Variants in MCM5 observed in about 807,000 individuals in gnomAD.
MCM5 encodes the protein DNA replication licensing factor MCM5.
MCM5 carries 46 observed loss-of-function variants against 79.9 expected under a neutral mutation model. The observed-to-expected ratio is 0.58, with a 90% confidence interval of 0.45 to 0.74. MCM5 has a LOEUF of 0.74. MCM5 is among the 30% of genes least tolerant of loss of function. The probability of loss-of-function intolerance (pLI) is 0.00; values close to 1 mark genes in which losing one functional copy is unlikely to be tolerated. For synonymous variants in MCM5, 404 were observed against 390.5 expected, an observed-to-expected ratio of 1.03 and a Z score of -0.41; for missense variants, 883 against 1,017.0, an observed-to-expected ratio of 0.87 and a Z score of 1.79.
rs1253858301 is a variant in MCM5, at chr22:35,416,776, T to G, written c.1552T>G (p.Phe518Val). Residue 518 changes from phenylalanine (F) to valine (V), a missense_variant, in exon 12 of 17, where the codon TTC becomes GTC. By Grantham distance (50) the Phe-to-Val change is conservative. Around this residue, in one of 3 missense-constraint regions of MCM5, gnomAD observed 426 missense variants for 482.3 expected, o/e 0.88. Coordinates refer to ENST00000216122, the MANE Select transcript of MCM5 (RefSeq NM_006739.4). Reference protein sequence around the residue: ...PTILSRFDMIFIVKDEHNEER... With the variant: ...PTILSRFDMIVIVKDEHNEER... Reference sequence around the variant, plus strand: ...CATCTTGTCGCGCTTCGACATGATCTTCATCGTCAAGGATGAGCACAATGA... The same window carrying G: ...CATCTTGTCGCGCTTCGACATGATCGTCATCGTCAAGGATGAGCACAATGA... 6.2e-7 allele frequency: 1 copy of G among 1,613,984 alleles called. No individual in the cohort carries two copies. Among genetic ancestry groups the G allele is most frequent in the African/African-American group, 1.3e-5 (1 of 74,912 alleles).
Position 35,415,897 on chromosome 22 carries a change from C to T in MCM5, c.1272C>T (p.Ser424=), listed in dbSNP as rs149095650. 2.7e-5 allele frequency: 44 copies of T among 1,614,022 alleles called. No homozygotes were observed. Among genetic ancestry groups the T allele is most frequent in the Middle Eastern group, 1.6e-4 (1 of 6,064 alleles). Residue 424 remains serine, a synonymous_variant, in exon 10 of 17, where the codon TCC becomes TCT. Coordinates refer to ENST00000216122, the MANE Select transcript of MCM5 (RefSeq NM_006739.4). The part of the protein sequence containing the change: ...LTASVMRDPS[S]RNFIMEGGAM... ...CCTCGGTGATGAGGGACCCTTCGTC[C>T]CGGAATTTCATCATGGAGGGCGGAG...
chr22:35,453,355 C>T, the MCM5 span, among the ~76,000 whole-genome samples: 6 of 144,190 alleles, frequency 4.2e-5, no homozygotes, highest in East Asian at 2.0e-4. Context: ...TGAGCAAGCG[C>T]GTCAGAGACA....
intron 8 of MCM5, among the ~76,000 whole-genome samples, chr22:35,413,584 G>A (rs1257815809): frequency 6.6e-6 from 1 of 152,150 alleles, no homozygotes; most frequent in Non-Finnish European, 1.5e-5. Flanking sequence ...TGGGAGGAAC[G>A]TTGCTCAGAT....
At chr22:35,406,464 C>G (rs1272957604) in intron 4 of MCM5, 89 bp from the exon 5 acceptor site, 1 of 1,294,870 alleles carries the variant, frequency 7.7e-7, no homozygotes, top group Non-Finnish European at 1.1e-6. Flanking sequence ...CCCACCTCCT[C>G]CAGGCTCCTG....
downstream of MCM5, among the ~76,000 whole-genome samples, chr22:35,425,657 G>A (rs915898202): frequency 2.0e-5 from 3 of 151,986 alleles, no homozygotes; most frequent in Non-Finnish European, 2.9e-5. Flanking sequence ...TACTGGGCGC[G>A]CTGTGGGTTT....
At position 35,424,056 on chromosome 22, in the gene MCM5, G is replaced by C. The variant is rs147062034; in HGVS notation, c.2104-98G>C. On this transcript the variant is annotated intron_variant, in intron 16 of 16. Coordinates refer to ENST00000216122, the MANE Select transcript of MCM5 (RefSeq NM_006739.4). ...AGTGTGGGCCCTTTAGGTCAAAGGA[G>C]CCTGAGTACAAAGTTCCCCGTGAGC... 1.2e-3 allele frequency: 926 copies of C among 741,166 alleles called. 8 individuals are homozygous for C. Among genetic ancestry groups the C allele is most frequent in the African/African-American group, 0.012 (700 of 56,406 alleles). The allele number at this position is 741,166 out of a possible 1,614,324, so 45.9% of individuals were successfully genotyped here. A position where few individuals can be genotyped will look rare whatever the true frequency, so the allele number is the denominator to read the frequency against.
At position 35,424,319 on chromosome 22, in the gene MCM5, A is replaced by G. The variant is rs1569071756; in HGVS notation, c.*64A>G. On this transcript the variant is annotated 3_prime_UTR_variant, in exon 17 of 17. Coordinates refer to ENST00000216122, the MANE Select transcript of MCM5 (RefSeq NM_006739.4). ...CTCGCCCCTCCTGCCGCTGCCTGCC[A>G]TTGACAATGTTGCTGGGACCTCTGC... The G allele has an allele frequency of 3.2e-5, 39 of 1,224,424 alleles. No individual in the cohort carries two copies. Among genetic ancestry groups the G allele is most frequent in the Non-Finnish European group, 3.8e-5 (33 of 873,116 alleles). 75.8% of individuals were successfully genotyped at this position (1,224,424 alleles called of 1,614,324 possible).
At chr22:35,430,931 T>C in the MCM5 span, among the ~76,000 whole-genome samples, 1 of 152,152 alleles carries the variant, frequency 6.6e-6, no homozygotes, top group South Asian at 2.1e-4. Flanking sequence ...GAGAATTTTT[T>C]TGATGAATGA....
At chr22:35,406,766 G>A in intron 5 of MCM5, 41 bp downstream of exon 5, 1 of 1,591,936 alleles carries the variant, frequency 6.3e-7, no homozygotes, top group South Asian at 1.1e-5. Context: ...GGTGACCTGA[G>A]TGAAGATCAG....
At chr22:35,430,565 C>T in the MCM5 span, among the ~76,000 whole-genome samples, 4 of 146,950 alleles carry the variant, frequency 2.7e-5, no homozygotes, top group South Asian at 4.3e-4. Flanking sequence ...TGCAGTGGTG[C>T]GACCTCAGCT....
chr22:35,428,014 T>G (rs1932789023), downstream of MCM5, among the ~76,000 whole-genome samples: 1 of 130,194 alleles, frequency 7.7e-6, no homozygotes, highest in Non-Finnish European at 1.6e-5. Flanking sequence ...CATCGCTCTC[T>G]CTCTCTCTTT....
In MCM5 at chr22:35,403,205, A is replaced by G. The variant is rs1261120653; in HGVS notation, c.168-2A>G. On this transcript the variant is annotated splice_acceptor_variant, in intron 2 of 16. Coordinates refer to ENST00000216122, the MANE Select transcript of MCM5 (RefSeq NM_006739.4). LOFTEE classifies it high-confidence loss of function. The stretch of plus-strand genomic sequence containing the variant: ...CCCCACCCTGCTATGTGCCCACTCC[A>G]GGGATGAACTCAAGCGGCATTACAA... 3 of 1,614,074 alleles carry G rather than the reference A, an allele frequency of 1.9e-6. No individual in the cohort carries two copies. In the Admixed American group the frequency reaches 5.0e-5, roughly 27 times the overall value.
the MCM5 span, among the ~76,000 whole-genome samples, chr22:35,433,879 A>G: frequency 2.6e-4 from 39 of 152,272 alleles, no homozygotes; most frequent in Admixed American, 2.0e-3. Flanking sequence ...AAATGGCCCC[A>G]AGATCCCATG....
chr22:35,435,108 A>ACCACTACACTCCAG, the MCM5 span, among the ~76,000 whole-genome samples: 1 of 152,070 alleles, frequency 6.6e-6, no homozygotes, highest in Admixed American at 6.5e-5. Flanking sequence ...CTGGGATAGC[A>ACCACTACACTCCAG]CCACTACACT....
intron 5 of MCM5, among the ~76,000 whole-genome samples, chr22:35,407,901 T>C (rs183575906): frequency 3.4e-4 from 52 of 152,360 alleles, no homozygotes; most frequent in African/African-American, 1.2e-3. Context: ...GCACCTGGAA[T>C]AGTGTCAGAC....
At chr22:35,438,803 CCA>C in the MCM5 span, among the ~76,000 whole-genome samples, 15 of 149,250 alleles carry the variant, frequency 1.0e-4, no homozygotes, top group East Asian at 2.0e-4. Flanking sequence ...ATCCATCCAT[CCA>C]TCCATCCATC....
At chr22:35,449,029 G>C in the MCM5 span, among the ~76,000 whole-genome samples, 1 of 152,214 alleles carries the variant, frequency 6.6e-6, no homozygotes, top group Non-Finnish European at 1.5e-5. Flanking sequence ...AGGACACCCT[G>C]CCTCTGGTGG....
downstream of MCM5, among the ~76,000 whole-genome samples, chr22:35,426,621 G>C (rs142162034): frequency 4.6e-5 from 7 of 152,326 alleles, no homozygotes; most frequent in East Asian, 1.4e-3. Context: ...TCTGTAGAAA[G>C]GGCACAGCAG....
At chr22:35,431,324 G>T in the MCM5 span, among the ~76,000 whole-genome samples, 1 of 152,122 alleles carries the variant, frequency 6.6e-6, no homozygotes. Context: ...ACGGAGCCGG[G>T]GTCCAAACCC....
Sources: allele counts gnomAD v4.1 joint callset (sites outside exome capture counted in the v4.1 genomes callset), GRCh38; gene constraint gnomAD v4.1.1; regional missense constraint gnomAD v4.1.1; transcripts MANE v1.5; gene names NCBI Gene and HGNC (gene_info 2026-07-23, HGNC 2026-07-21).